MAML1: variants seen among roughly 807,000 people sequenced by gnomAD.
MAML1 encodes mastermind like transcriptional coactivator 1, also known as mastermind-like protein 1.
MAML1 carries 14 observed loss-of-function variants against 77.1 expected under a neutral mutation model. The observed-to-expected ratio is 0.18, with a 90% CI of 0.12 to 0.28. The LOEUF is 0.28. Ranked by LOEUF, MAML1 falls within the 10% of genes least tolerant of loss-of-function variation. The pLI is 1.00. For missense variants in MAML1, 1,217 were observed against 1,327.8 expected (o/e 0.92, Z 1.30); for synonymous variants, 516 against 551.9 (o/e 0.93, Z 0.91).
intron 1 of MAML1, among the ~76,000 whole-genome samples, chr5:179,753,237 G>A (rs887665636): frequency 2.0e-5 from 3 of 152,008 alleles, no homozygotes; most frequent in African/African-American, 4.8e-5. Flanking sequence ...GCGCGCGCGC[G>A]CGTGCTGGGG....
In MAML1 at chr5:179,769,024, C is replaced by G. The variant is rs768292511; in HGVS notation, c.1906C>G (p.Gln636Glu). The G allele has an allele frequency of 8.1e-6, 13 of 1,614,216 alleles. No individual in the cohort carries two copies. The Admixed American group carries it at 2.2e-4, about 27-fold the overall frequency. The change falls in exon 3 of 5, where the codon CAG becomes GAG. Residue 636 changes from glutamine (Q) to glutamate (E), a missense_variant. Gln to Glu is a conservative substitution (Grantham distance 29). Coordinates refer to ENST00000292599, the MANE Select transcript of MAML1 (RefSeq NM_014757.5). This position sits in a 1 kb window ranked among gnomAD's most constrained non-coding sequence, Gnocchi z 4.2. ...LLLDQQKQRE[Q>E]QQKHLQQQQF... ...TTTGGACCAACAGAAACAAAGGGAG[C>G]AGCAGCAAAAGCATTTACAGCAACA...
At position 179,774,399 on chromosome 5, in the gene MAML1, G is replaced by A; in HGVS notation, c.2573G>A (p.Ser858Asn). ...SGQTPGNSNVSPFTAASSFHM... is the reference protein window; with the variant it reads ...SGQTPGNSNVNPFTAASSFHM... ...CAGACCCCAGGGAACAGCAACGTGAGTCCCTTCACTGCAGCCTCCAGTTTC... is the reference window on the plus strand; with the variant it reads ...CAGACCCCAGGGAACAGCAACGTGAATCCCTTCACTGCAGCCTCCAGTTTC... The change falls in exon 5 of 5, where the codon AGT (serine) becomes AAT (asparagine). Residue 858 changes from serine to asparagine, a missense_variant. Transcript: ENST00000292599. 2 of 1,613,230 alleles carry A rather than the reference G, an allele frequency of 1.2e-6. No individual in the cohort carries two copies. The highest frequency in any genetic ancestry group is 1.7e-6 in the Non-Finnish European group (2 of 1,180,042).
intron 4 of MAML1, among the ~76,000 whole-genome samples, chr5:179,773,174 C>T (rs1019249284): frequency 4.6e-5 from 7 of 152,286 alleles, no homozygotes; most frequent in East Asian, 1.9e-4. Flanking sequence ...TGAACCACCG[C>T]GCCCGGCCAC....
chr5:179,733,363 C>A lies in MAML1; in HGVS notation c.251C>A (p.Ala84Glu). Residue 84 changes from alanine to glutamate, a missense_variant, in exon 1 of 5, where the codon GCG becomes GAG. By Grantham distance (107) the Ala-to-Glu change is moderately radical. Around this residue, in one of 3 missense-constraint regions of MAML1, gnomAD observed 312 missense variants for 331.4 expected, o/e 0.94. Transcript: ENST00000292599. ...HRQPPAATAP[A>E]PAAPAPRLDA... ...CAGCCGCCCGCCGCCACGGCCCCGGCGCCCGCCGCCCCGGCCCCGCGCCTG... is the reference window on the plus strand; with the variant it reads ...CAGCCGCCCGCCGCCACGGCCCCGGAGCCCGCCGCCCCGGCCCCGCGCCTG... The A allele has an allele frequency of 1.6e-6, 2 of 1,233,078 alleles. No individual in the cohort carries two copies. The highest frequency in any genetic ancestry group is 2.0e-6 in the Non-Finnish European group (2 of 990,906). The allele number at this position is 1,233,078 out of a possible 1,614,324, so 76.4% of individuals were successfully genotyped here.
Position 179,776,747 on chromosome 5 carries a change from G to A in MAML1, c.*1870G>A, listed in dbSNP as rs761445153. 2.3e-4 allele frequency: 226 copies of A among 985,824 alleles called. No homozygotes were observed. Among genetic ancestry groups the A allele is most frequent in the Non-Finnish European group, 2.0e-4 (168 of 830,052 alleles). The allele number at this position is 985,824 out of a possible 1,614,324, so 61.1% of individuals were successfully genotyped here. A position where few individuals can be genotyped will look rare whatever the true frequency, so the allele number is the denominator to read the frequency against. On this transcript the variant is annotated 3_prime_UTR_variant, in exon 5 of 5. Coordinates refer to ENST00000292599, the MANE Select transcript of MAML1 (RefSeq NM_014757.5). ...CCGGGGCTCGCTGGCCCTGCACTCC[G>A]CCTTAGTCCTGGGGCCGGCGACACA...
At position 179,771,160 on chromosome 5, in the gene MAML1, T is replaced by A. The variant is rs1335241689; in HGVS notation, c.1985T>A (p.Phe662Tyr). ...HLLAEQEKQQ[F>Y]QRHLTRPPPQ... ...GGCATTTTCTAGGAGAAGCAACAGT[T>A]TCAGCGCCATCTGACCCGCCCACCA... The change falls in exon 4 of 5, where the codon TTT becomes TAT. Residue 662 changes from phenylalanine (F) to tyrosine (Y), a missense_variant. Physicochemically the swap from Phe to Tyr is conservative, Grantham distance 22. Coordinates refer to ENST00000292599, the MANE Select transcript of MAML1 (RefSeq NM_014757.5). This position sits in a 1 kb window ranked among gnomAD's most constrained non-coding sequence, Gnocchi z 4.7. 3 of 1,614,080 alleles carry A rather than the reference T, an allele frequency of 1.9e-6. No homozygotes were observed. The highest frequency in any genetic ancestry group is 2.5e-6 in the Non-Finnish European group (3 of 1,179,940).
At chr5:179,739,991 T>G (rs1779250126) in intron 1 of MAML1, among the ~76,000 whole-genome samples, 1 of 152,196 alleles carries the variant, frequency 6.6e-6, no homozygotes, top group South Asian at 2.1e-4. Context: ...GTTAACTTTG[T>G]TATAATAAGT....
chr5:179,768,466 CAA>C (rs1160590354), intron 2 of MAML1, among the ~76,000 whole-genome samples: 1 of 152,170 alleles, frequency 6.6e-6, no homozygotes, highest in Non-Finnish European at 1.5e-5. Context: ...TGAAAAAAAA[CAA>C]AAAGTATTCT....
rs1779098536 is a variant in MAML1 at position 179,733,150 on chromosome 5, T to C, written c.38T>C (p.Leu13Pro). ...LPTCPMAEFA[L>P]PRHSAVMERL... ...ACCTGCCCCATGGCGGAGTTCGCGC[T>C]GCCGCGGCACAGCGCGGTCATGGAG... is the stretch of plus-strand genomic sequence containing the variant. The change falls in exon 1 of 5, where the codon CTG becomes CCG. Residue 13 changes from leucine (L) to proline (P), a missense_variant. By Grantham distance (98) the Leu-to-Pro change is moderately conservative. Coordinates refer to ENST00000292599, the MANE Select transcript of MAML1 (RefSeq NM_014757.5). 3.4e-6 allele frequency: 5 copies of C among 1,452,660 alleles called. No individual in the cohort carries two copies. Among genetic ancestry groups the C allele is most frequent in the Non-Finnish European group, 3.6e-6 (4 of 1,105,550 alleles). The allele number at this position is 1,452,660 out of a possible 1,614,324, so 90.0% of individuals were successfully genotyped here.
rs749713485 is a variant in MAML1 at position 179,766,465 on chromosome 5, C to G, written c.1455C>G (p.Ser485Arg). ...CCGGAGGCCCCTACCTCCAGCCCAG[C>G]CATGTGAACCTGCTGAGTCACCAGC... ...PRPGGPYLQPSHVNLLSHQPP... is the reference protein window; with the variant it reads ...PRPGGPYLQPRHVNLLSHQPP... Residue 485 changes from serine (S) to arginine (R), a missense_variant, in exon 2 of 5, where the codon AGC (serine) becomes AGG (arginine). Around this residue, in one of 3 missense-constraint regions of MAML1, gnomAD observed 884 missense variants for 949.3 expected, o/e 0.93. Transcript: ENST00000292599. This position sits in a 1 kb window ranked among gnomAD's most constrained non-coding sequence, Gnocchi z 4.0. 1.2e-6 allele frequency: 2 copies of G among 1,611,304 alleles called. No homozygotes were observed. Among genetic ancestry groups the G allele is most frequent in the Non-Finnish European group, 1.7e-6 (2 of 1,178,806 alleles).
At chr5:179,760,966 G>T (rs971357490) in intron 1 of MAML1, among the ~76,000 whole-genome samples, 1 of 152,084 alleles carries the variant, frequency 6.6e-6, no homozygotes, top group Non-Finnish European at 1.5e-5. Context: ...GTGGTGGCAG[G>T]CGCCTGTAGT....
chr5:179,774,637 G>A lies in MAML1; in HGVS notation c.2811G>A (p.Glu937=). The A allele has an allele frequency of 6.2e-7, 1 of 1,611,272 alleles. No individual in the cohort carries two copies. The highest frequency in any genetic ancestry group is 8.5e-7 in the Non-Finnish European group (1 of 1,179,456). The change falls in exon 5 of 5, where the codon GAG becomes GAA. Residue 937 remains glutamate (E), a synonymous_variant. Transcript: ENST00000292599. ...CTGGCCTGAGCCCAGCAGGGCCTGA[G>A]CTGGGGGCCTTCAGCCAGAGCCCTG... ...GLPGLSPAGP[E]LGAFSQSPAS... is the part of the protein sequence containing the mutation.
At chr5:179,749,084 G>A (rs955577235) in intron 1 of MAML1, among the ~76,000 whole-genome samples, 2 of 151,952 alleles carry the variant, frequency 1.3e-5, no homozygotes, top group African/African-American at 4.8e-5. Flanking sequence ...CCCTGTCTAG[G>A]CCTCCTGAGT....
intron 1 of MAML1, among the ~76,000 whole-genome samples, chr5:179,734,965 C>T (rs949016492): frequency 6.6e-6 from 1 of 152,144 alleles, no homozygotes; most frequent in Non-Finnish European, 1.5e-5. Context: ...CATGAGCCAC[C>T]GCACCGTGCC....
intron 1 of MAML1, among the ~76,000 whole-genome samples, chr5:179,743,657 G>T (rs1055505289): frequency 6.6e-6 from 1 of 151,856 alleles, no homozygotes; most frequent in Admixed American, 6.6e-5. Context: ...GAGCCACTGC[G>T]CCCGGCCCTC....
At chr5:179,745,728 C>T (rs889157775) in intron 1 of MAML1, among the ~76,000 whole-genome samples, 6 of 151,684 alleles carry the variant, frequency 4.0e-5, no homozygotes, top group Non-Finnish European at 2.9e-5. Context: ...GGCGTGGTGG[C>T]GGGCGTCTGT....
intron 1 of MAML1, among the ~76,000 whole-genome samples, chr5:179,756,255 C>G (rs1305537172): frequency 6.6e-6 from 1 of 151,402 alleles, no homozygotes; most frequent in Non-Finnish European, 1.5e-5. Context: ...GAAACCCCAT[C>G]TCTACTAAAA....
intron 1 of MAML1, among the ~76,000 whole-genome samples, chr5:179,755,593 A>G (rs1779595264): frequency 6.6e-6 from 1 of 151,918 alleles, no homozygotes; most frequent in African/African-American, 2.4e-5. Flanking sequence ...TGCAGAGTTG[A>G]TGTTTGAGCT....
rs1009134708 is a variant in MAML1, at chr5:179,733,406, C to G, written c.294C>G (p.Pro98=). 14 of 1,119,134 alleles carry G rather than the reference C, an allele frequency of 1.3e-5. No individual in the cohort carries two copies. The African/African-American group carries it at 1.8e-4, about 15-fold the overall frequency. The allele number at this position is 1,119,134 out of a possible 1,614,324, so 69.3% of individuals were successfully genotyped here. Residue 98 remains proline, a synonymous_variant, in exon 1 of 5, where the codon CCC becomes CCG. Transcript: ENST00000292599. ...PAPRLDAADG[P]EHGRPATHLH... ...CGCGCCTGGACGCCGCTGACGGCCCCGAGCACGGCCGCCCGGCCACGGTGA... is the reference window on the plus strand; with the variant it reads ...CGCGCCTGGACGCCGCTGACGGCCCGGAGCACGGCCGCCCGGCCACGGTGA...
Sources: allele counts gnomAD v4.1 joint callset (sites outside exome capture counted in the v4.1 genomes callset), GRCh38; gene constraint gnomAD v4.1.1; regional missense constraint gnomAD v4.1.1; non-coding constraint Gnocchi (gnomAD v3.1); transcripts MANE v1.5; gene names NCBI Gene and HGNC (gene_info 2026-07-23, HGNC 2026-07-21).